MYCBP: variants seen among roughly 807,000 people sequenced by gnomAD.
The protein encoded by MYCBP is MYC binding protein.
A neutral mutation model predicts 16.8 loss-of-function variants in MYCBP; 5 were observed. That is an observed-to-expected ratio of 0.30 (90% confidence interval 0.16 to 0.63). The LOEUF is 0.63. MYCBP is among the 20% of genes least tolerant of loss of function. The pLI, the probability that MYCBP is intolerant of heterozygous loss-of-function variation, is 0.83. For missense variants in MYCBP, 103 were observed against 121.8 expected, an observed-to-expected ratio of 0.85 and a Z score of 0.73; for synonymous variants, 35 against 43.7, an observed-to-expected ratio of 0.80 and a Z score of 0.79.
intron 2 of MYCBP, among the ~76,000 whole-genome samples, chr1:38,868,322 G>C (rs984599984): frequency 4.6e-5 from 7 of 152,200 alleles, no homozygotes; most frequent in Non-Finnish European, 8.8e-5. Flanking sequence ...GTAATTACCG[G>C]AAGAAGCTCT....
chr1:38,864,606 T>C lies in MYCBP; in HGVS notation c.*64A>G. 1.3e-6 allele frequency: 2 copies of C among 1,499,212 alleles called. No homozygotes were observed. Among genetic ancestry groups the C allele is most frequent in the South Asian group, 1.1e-5 (1 of 88,636 alleles). 92.9% of individuals were successfully genotyped at this position (1,499,212 alleles called of 1,614,324 possible). On this transcript the variant is annotated 3_prime_UTR_variant, in exon 5 of 5. Coordinates refer to ENST00000397572, the MANE Select transcript of MYCBP (RefSeq NM_012333.5). ...TAGCATCTGTTCAGAAAAGATTATA[T>C]ACTATACAAACTATTCAAGTCATAC...
intron 2 of MYCBP, among the ~76,000 whole-genome samples, chr1:38,869,613 G>A (rs899726223): frequency 2.6e-5 from 4 of 151,864 alleles, no homozygotes; most frequent in Non-Finnish European, 4.4e-5. Context: ...TTTTGCCTTC[G>A]CAGCCAGGAT....
chr1:38,864,587 C>T lies in MYCBP; in HGVS notation c.*83G>A, dbSNP rs2124248686. 7.4e-7 allele frequency: 1 copy of T among 1,345,260 alleles called. No homozygotes were observed. The highest frequency in any genetic ancestry group is 1.4e-5 in the African/African-American group (1 of 68,988). The allele number at this position is 1,345,260 out of a possible 1,614,324, so 83.3% of individuals were successfully genotyped here. On this transcript the variant is annotated 3_prime_UTR_variant, in exon 5 of 5. Transcript: ENST00000397572. Reference sequence around the variant, plus strand: ...ACATATTAAAAGAGTTCTATAGCATCTGTTCAGAAAAGATTATATACTATA... The same window carrying T: ...ACATATTAAAAGAGTTCTATAGCATTTGTTCAGAAAAGATTATATACTATA...
At chr1:38,867,652 A>C in intron 2 of MYCBP, 42 bp from the exon 3 acceptor site, 1 of 1,563,844 alleles carries the variant, frequency 6.4e-7, no homozygotes, top group East Asian at 2.2e-5. Context: ...TGACGTATTA[A>C]ATTTGAATGG....
At position 38,867,522 on chromosome 1, in the gene MYCBP, G is replaced by A. The variant is rs200691739; in HGVS notation, c.137+40C>T. 4,947 of 1,510,232 alleles carry A rather than the reference G, an allele frequency of 3.3e-3. 6 individuals are homozygous for A. Among genetic ancestry groups the A allele is most frequent in the Non-Finnish European group, 4.0e-3 (4,365 of 1,101,504 alleles). 93.6% of individuals were successfully genotyped at this position (1,510,232 alleles called of 1,614,324 possible). A position where few individuals can be genotyped will look rare whatever the true frequency, so the allele number is the denominator to read the frequency against. On this transcript the variant is annotated intron_variant, in intron 3 of 4. Transcript: ENST00000397572. ...GGTTATTATCTATCTAAAAAAATAAGAGTTTCAAAATAAAGCCTTTTTCTG... is the reference window on the plus strand; with the variant it reads ...GGTTATTATCTATCTAAAAAAATAAAAGTTTCAAAATAAAGCCTTTTTCTG...
chr1:38,873,161 A>T (rs1210612854), intron 1 of MYCBP, 71 bp from the exon 2 acceptor site: 1 of 1,550,944 alleles, frequency 6.4e-7, no homozygotes, highest in Non-Finnish European at 8.7e-7. Flanking sequence ...GGAGTCCGGC[A>T]ACCCCGCCTC....
Position 38,864,554 on chromosome 1 carries a change from T to A in MYCBP, c.*116A>T, listed in dbSNP as rs186336863. The A allele has an allele frequency of 9.7e-7, 1 of 1,026,348 alleles. No homozygotes were observed. Among genetic ancestry groups the A allele is most frequent in the East Asian group, 2.6e-5 (1 of 38,810 alleles). 63.6% of individuals were successfully genotyped at this position (1,026,348 alleles called of 1,614,324 possible). A position where few individuals can be genotyped will look rare whatever the true frequency, so the allele number is the denominator to read the frequency against. On this transcript the variant is annotated 3_prime_UTR_variant, in exon 5 of 5. Coordinates refer to ENST00000397572, the MANE Select transcript of MYCBP (RefSeq NM_012333.5). ...TGTGTTTTTAACAGAGTGTGATAGGTGAATTAAACATATTAAAAGAGTTCT... is the reference window on the plus strand; with the variant it reads ...TGTGTTTTTAACAGAGTGTGATAGGAGAATTAAACATATTAAAAGAGTTCT...
chr1:38,873,059 C>A lies in MYCBP; in HGVS notation c.47G>T (p.Arg16Met). 1 of 1,573,722 alleles carries A rather than the reference C, an allele frequency of 6.4e-7. No homozygotes were observed. Among genetic ancestry groups the A allele is most frequent in the Admixed American group, 1.8e-5 (1 of 54,864 alleles). ...AADSKREQFR[R>M]YLEKSGVLDT... ...CAGCACCCCCGACTTCTCCAAGTAC[C>A]TCCGGAACTGCTCACGCTTCGAGTC... Residue 16 changes from arginine (R) to methionine (M), a missense_variant, in exon 2 of 5, where the codon AGG becomes ATG. Arg to Met is a moderately conservative substitution (Grantham distance 91, BLOSUM62 -1). Transcript: ENST00000397572.
At chr1:38,869,370 G>A (rs1642413507) in intron 2 of MYCBP, among the ~76,000 whole-genome samples, 1 of 152,052 alleles carries the variant, frequency 6.6e-6, no homozygotes, top group African/African-American at 2.4e-5. Flanking sequence ...TTACAGGTGT[G>A]AGCCACCACA....
chr1:38,868,486 T>C (rs1007756322), intron 2 of MYCBP, among the ~76,000 whole-genome samples: 10 of 152,226 alleles, frequency 6.6e-5, no homozygotes, highest in Non-Finnish European at 1.0e-4. Context: ...TGCCTTGCTC[T>C]TCATCTATGG....
rs1264042468 is a variant in MYCBP, at chr1:38,873,344, C to T, written c.-39G>A. 6.3e-7 allele frequency: 1 copy of T among 1,597,142 alleles called. No individual in the cohort carries two copies. Among genetic ancestry groups the T allele is most frequent in the South Asian group, 1.1e-5 (1 of 90,324 alleles). ...GCGGCGTAGCTGGCGCCGGAGACCG[C>T]GACTGGCGGGTTGGGAGCAGCACTG... On this transcript the variant is annotated 5_prime_UTR_variant, in exon 1 of 5. Transcript: ENST00000397572.
At chr1:38,867,678 A>G in intron 2 of MYCBP, 68 bp from the exon 3 acceptor site, 1 of 1,375,894 alleles carries the variant, frequency 7.3e-7, no homozygotes, top group Non-Finnish European at 1.0e-6. Context: ...ATTATGTTCC[A>G]TTACCCAGTA....
chr1:38,867,473 C>G (rs1265596836), intron 3 of MYCBP, 89 bp downstream of exon 3: 2 of 927,616 alleles, frequency 2.2e-6, no homozygotes, highest in Non-Finnish European at 3.2e-6. Context: ...AAGTAACTTT[C>G]TCAATATTCA....
Position 38,866,044 on chromosome 1 carries a change from C to CTTTTTTTTTTTTTTTTTTTTTTTTTTT in MYCBP, c.267+835_267+836insAAAAAAAAAAAAAAAAAAAAAAAAAAA, listed in dbSNP as rs71057153. Among the ~76,000 whole-genome samples the CTTTTTTTTTTTTTTTTTTTTTTTTTTT allele has an allele frequency of 2.1e-4, 14 of 65,716 alleles. 4 individuals are homozygous for CTTTTTTTTTTTTTTTTTTTTTTTTTTT. Among genetic ancestry groups the CTTTTTTTTTTTTTTTTTTTTTTTTTTT allele is most frequent in the African/African-American group, 9.5e-4 (12 of 12,654 alleles). The allele number at this position is 65,716 out of a possible 152,430, so 43.1% of individuals were successfully genotyped here. ...TAGTAATACAGGTTCCTAAGAACCT[C>CTTTTTTTTTTTTTTTTTTTTTTTTTTT]TTTTTTTTTTTTTTTTTTTTTGAGA... On this transcript the variant is annotated intron_variant, in intron 4 of 4. Transcript: ENST00000397572.
intron 2 of MYCBP, among the ~76,000 whole-genome samples, chr1:38,871,481 A>G (rs1165592615): frequency 1.4e-5 from 2 of 145,920 alleles, no homozygotes; most frequent in African/African-American, 2.5e-5. Context: ...CAGTGGCACA[A>G]TCACAACTCA....
chr1:38,873,322 G>C lies in MYCBP; in HGVS notation c.-17C>G. ...ATGGGCCATAGTGACAGCGGCAGCG[G>C]CGTAGCTGGCGCCGGAGACCGCGAC... On this transcript the variant is annotated 5_prime_UTR_variant, in exon 1 of 5. Transcript: ENST00000397572. 6.2e-7 allele frequency: 1 copy of C among 1,600,086 alleles called. No individual in the cohort carries two copies. Among genetic ancestry groups the C allele is most frequent in the Non-Finnish European group, 8.5e-7 (1 of 1,178,268 alleles).
At chr1:38,870,822 A>C (rs868028384) in intron 2 of MYCBP, among the ~76,000 whole-genome samples, 2,980 of 150,142 alleles carry the variant, frequency 0.02, 130 homozygotes, top group African/African-American at 0.068. Flanking sequence ...AAAAAAAAAA[A>C]AAAAAACAAA....
intron 4 of MYCBP, among the ~76,000 whole-genome samples, chr1:38,866,044 C>CTTTTTTTTTTTTTTTTTTTT (rs71057153): frequency 6.1e-5 from 4 of 65,718 alleles, no homozygotes; most frequent in African/African-American, 1.6e-4. Flanking sequence ...CTAAGAACCT[C>CTTTTTTTTTTTTTTTTTTTT]TTTTTTTTTT....
At chr1:38,866,632 G>C (rs1267579787) in intron 4 of MYCBP, among the ~76,000 whole-genome samples, 3 of 150,596 alleles carry the variant, frequency 2.0e-5, no homozygotes, top group Non-Finnish European at 3.0e-5. Flanking sequence ...GACCAGGCTG[G>C]TCTCGAACTC....
Sources: gnomAD v4.1 joint callset for allele counts (sites outside exome capture counted in the v4.1 genomes callset) on GRCh38, gnomAD v4.1.1 for gene constraint, MANE v1.5 for transcripts, NCBI Gene and HGNC (gene_info 2026-07-23, HGNC 2026-07-21) for gene names.